PUDP: variants seen among roughly 807,000 people sequenced by gnomAD.
PUDP encodes pseudouridine-5'-phosphatase.
PUDP carries 8 observed loss-of-function variants against 9.4 expected under a neutral mutation model. The ratio of observed to expected loss-of-function variants is 0.85; its 90% CI spans 0.50 to 1.53. The LOEUF is 1.53. Ranked by LOEUF, PUDP falls within the 40% of genes most tolerant of loss-of-function variation. The probability of loss-of-function intolerance (pLI) is 0.00; values close to 1 mark genes in which losing one functional copy is unlikely to be tolerated. For missense variants in PUDP, 188 were observed against 189.7 expected, an observed-to-expected ratio of 0.99 and a Z score of 0.05; for synonymous variants, 99 against 80.7, an observed-to-expected ratio of 1.23 and a Z score of -1.22.
At chrX:6,923,933 C>T (rs1395459957) in intron 3 of PUDP, among the ~76,000 whole-genome samples, 1 of 111,003 alleles carries the variant, frequency 9.0e-6, no homozygotes, top group African/African-American at 3.3e-5. Flanking sequence ...GCCACCCTTT[C>T]TCCCTTGCCA....
intron 1 of PUDP, among the ~76,000 whole-genome samples, chrX:7,013,229 C>T (rs1053719130): frequency 6.3e-5 from 7 of 111,798 alleles, no homozygotes; most frequent in African/African-American, 2.3e-4. Context: ...TAGAAAAGCA[C>T]ACATGTCATT....
intron 3 of PUDP, among the ~76,000 whole-genome samples, chrX:6,959,214 G>A (rs1928672892): frequency 8.9e-6 from 1 of 111,755 alleles, no homozygotes; most frequent in Non-Finnish European, 1.9e-5. Context: ...TCAGAGATTA[G>A]CAATTCTGCC....
At chrX:7,012,371 C>T (rs1929489338) in intron 1 of PUDP, among the ~76,000 whole-genome samples, 1 of 112,336 alleles carries the variant, frequency 8.9e-6, no homozygotes, top group African/African-American at 3.2e-5. Context: ...TCTTCTAAAG[C>T]CTCATATCTT....
intron 3 of PUDP, among the ~76,000 whole-genome samples, chrX:6,737,699 G>A (rs1924889720): frequency 9.0e-6 from 1 of 110,955 alleles, no homozygotes. Context: ...GGATGCAGGA[G>A]AGGGGTATCG....
At chrX:6,894,794 C>G (rs1248773821) in intron 3 of PUDP, among the ~76,000 whole-genome samples, 1 of 111,790 alleles carries the variant, frequency 8.9e-6, no homozygotes, top group African/African-American at 3.2e-5. Flanking sequence ...TACCCCAAAC[C>G]AGGGAATCAG....
intron 3 of PUDP, among the ~76,000 whole-genome samples, chrX:6,794,624 G>A (rs978617938): frequency 1.9e-5 from 2 of 106,371 alleles, no homozygotes; most frequent in South Asian, 4.2e-4. Flanking sequence ...AGGCCGGAGT[G>A]CAGTGGTGCA....
chrX:7,039,783 G>C (rs745663944), intron 1 of PUDP, among the ~76,000 whole-genome samples: 1 of 112,527 alleles, frequency 8.9e-6, no homozygotes, highest in Non-Finnish European at 1.9e-5. Flanking sequence ...TAACAATGTT[G>C]GTTTGGAAAT....
intron 3 of PUDP, among the ~76,000 whole-genome samples, chrX:6,947,235 C>T (rs187622937): frequency 1.7e-4 from 19 of 110,505 alleles, no homozygotes; most frequent in South Asian, 7.7e-4. Flanking sequence ...CTCCTGACCT[C>T]AAGTGGAACT....
chrX:7,001,798 C>A (rs1187256307), intron 1 of PUDP, among the ~76,000 whole-genome samples: 1 of 111,795 alleles, frequency 8.9e-6, no homozygotes, highest in African/African-American at 3.2e-5. Context: ...ATCTCACACT[C>A]TACACAAAAA....
In PUDP at chrX:6,752,778, G is replaced by C. The variant is rs778838057; in HGVS notation, c.*248-46312C>G. ...AAACTGAAGGAGAAACTAGGAAGAAGAGGGAAAAGATATTATTAAGCAATC... is the reference window on the plus strand; with the variant it reads ...AAACTGAAGGAGAAACTAGGAAGAACAGGGAAAAGATATTATTAAGCAATC... On this transcript the variant is annotated intron_variant and NMD_transcript_variant, in intron 3 of 3. Transcript: ENST00000655425. Among the ~76,000 whole-genome samples, 37 of 111,423 alleles carry C rather than the reference G, an allele frequency of 3.3e-4. No homozygotes were observed. In the Admixed American group the frequency reaches 3.4e-3, roughly 10 times the overall value.
chrX:7,143,151 T>TA (rs397770087), intron 1 of PUDP, among the ~76,000 whole-genome samples: 2 of 110,303 alleles, frequency 1.8e-5, no homozygotes, highest in African/African-American at 3.3e-5. Context: ...CTTTTTTTTT[T>TA]AAAGCAATAA....
intron 1 of PUDP, among the ~76,000 whole-genome samples, chrX:6,993,847 GTGCTA>G (rs1929217250): frequency 8.9e-6 from 1 of 111,829 alleles, no homozygotes; most frequent in Non-Finnish European, 1.9e-5. Context: ...CACCCCACAT[GTGCTA>G]GAGGAATCAA....
intron 3 of PUDP, among the ~76,000 whole-genome samples, chrX:6,925,572 GC>G (rs2146766034): frequency 8.9e-6 from 1 of 112,151 alleles, no homozygotes; most frequent in African/African-American, 3.2e-5. Context: ...AGTGACCACA[GC>G]CCAGGAAAAA....
At chrX:7,078,651 G>A (rs1448322729) in intron 2 of PUDP, among the ~76,000 whole-genome samples, 11 of 112,028 alleles carry the variant, frequency 9.8e-5, no homozygotes, top group Non-Finnish European at 1.9e-4. Context: ...ATGATTTAAT[G>A]TCCCTACTTT....
intron 3 of PUDP, among the ~76,000 whole-genome samples, chrX:6,935,855 C>A (rs1375838997): frequency 3.0e-5 from 2 of 65,691 alleles, no homozygotes; most frequent in African/African-American, 5.9e-5. Context: ...ACTACAAACA[C>A]CTCTACGCAA....
intron 3 of PUDP, among the ~76,000 whole-genome samples, chrX:6,800,156 A>G (rs1485048582): frequency 1.8e-5 from 2 of 112,224 alleles, no homozygotes; most frequent in Admixed American, 1.9e-4. Flanking sequence ...CTGGTCTGGC[A>G]ATTGACATCG....
Position 7,096,016 on chromosome X carries a change from C to T in PUDP, c.280+9604G>A, listed in dbSNP as rs534956061. ...CCTGCTGAGGTCTTCTGGAAGCTGT[C>T]CTTGACACAAGAATCATGTTAGCAC... On this transcript the variant is annotated intron_variant, in intron 2 of 3. Transcript: ENST00000381077. 7.1e-5 allele frequency among the ~76,000 whole-genome samples: 8 copies of T among 112,158 alleles called. No individual in the cohort carries two copies. The South Asian group carries it at 1.8e-3, about 26-fold the overall frequency.
intron 1 of PUDP, among the ~76,000 whole-genome samples, chrX:6,713,123 G>A (rs1471683246): frequency 8.9e-6 from 1 of 112,146 alleles, no homozygotes; most frequent in Non-Finnish European, 1.9e-5. Flanking sequence ...CCTCCTCTGA[G>A]CCTGGAATCC....
chrX:7,114,136 G>A (rs906392456), intron 1 of PUDP, among the ~76,000 whole-genome samples: 1 of 111,288 alleles, frequency 9.0e-6, no homozygotes, highest in Non-Finnish European at 1.9e-5. Flanking sequence ...GTGCAAAGGC[G>A]TGATCTCAGC....
Sources: gnomAD v4.1 joint callset for allele counts (sites outside exome capture counted in the v4.1 genomes callset) on GRCh38, gnomAD v4.1.1 for gene constraint, MANE v1.5 for transcripts, NCBI Gene and HGNC (gene_info 2026-07-23, HGNC 2026-07-21) for gene names.